The following HIPK2 variants were observed in gnomAD, a reference collection of about 807,000 sequenced individuals.
The protein encoded by HIPK2 is homeodomain interacting protein kinase 2, also known as homeodomain-interacting protein kinase 2.
Under a neutral mutation model 113.7 loss-of-function variants are expected in HIPK2, and 27 were observed. The observed-to-expected ratio is 0.24, with a 90% CI of 0.17 to 0.33. The LOEUF (loss-of-function observed/expected upper bound fraction) is 0.33. HIPK2 is among the 10% of genes least tolerant of loss of function. HIPK2 has a pLI of 1.00. For missense variants in HIPK2, 1,257 were observed against 1,588.0 expected, an observed-to-expected ratio of 0.79 and a Z score of 3.54; for synonymous variants, 631 against 642.2, an observed-to-expected ratio of 0.98 and a Z score of 0.26.
intron 1 of HIPK2, among the ~76,000 whole-genome samples, chr7:139,755,730 C>T (rs557480302): frequency 1.1e-3 from 171 of 152,352 alleles, no homozygotes; most frequent in African/African-American, 3.9e-3. Context: ...GGAATACCTC[C>T]AGTACCAGAG....
intron 2 of HIPK2, among the ~76,000 whole-genome samples, chr7:139,671,825 GGT>G (rs1450258430): frequency 6.6e-6 from 1 of 152,206 alleles, no homozygotes; most frequent in Admixed American, 6.5e-5. Flanking sequence ...TGGGATTATA[GGT>G]GTGCGCCACT....
In HIPK2 at chr7:139,572,871, C is replaced by T; in HGVS notation, c.*56G>A. ...CCCAGGAGCGCCTCCCTCCTTCTCT[C>T]CCTCCTCCCTCGGGCCATTCTCTCC... is the stretch of plus-strand genomic sequence containing the variant. On this transcript the variant is annotated 3_prime_UTR_variant, in exon 15 of 15. Coordinates refer to ENST00000406875, the MANE Select transcript of HIPK2 (RefSeq NM_022740.5). 7.1e-7 allele frequency: 1 copy of T among 1,411,456 alleles called. No homozygotes were observed. Among genetic ancestry groups the T allele is most frequent in the Admixed American group, 2.8e-5 (1 of 35,406 alleles). The allele number at this position is 1,411,456 out of a possible 1,614,324, so 87.4% of individuals were successfully genotyped here.
chr7:139,604,296 T>C (rs1799541688), intron 9 of HIPK2, 73 bp from the exon 10 acceptor site: 5 of 1,541,726 alleles, frequency 3.2e-6, no homozygotes, highest in Admixed American at 3.6e-5. Context: ...CCCACACTTA[T>C]TCTGTGCCTG....
intron 2 of HIPK2, among the ~76,000 whole-genome samples, chr7:139,633,943 G>A (rs1348743677): frequency 7.3e-6 from 1 of 136,864 alleles, no homozygotes; most frequent in Non-Finnish European, 1.5e-5. Context: ...AGAGTCCGTC[G>A]CAAAAAGAAA....
chr7:139,583,232 C>T (rs1026175635), intron 13 of HIPK2, among the ~76,000 whole-genome samples: 11 of 152,250 alleles, frequency 7.2e-5, no homozygotes, highest in Admixed American at 6.5e-4. Flanking sequence ...AGGTTACGTT[C>T]TCAGCCTTTA....
intron 2 of HIPK2, among the ~76,000 whole-genome samples, chr7:139,635,865 CAG>C (rs960536208): frequency 6.6e-6 from 1 of 152,202 alleles, no homozygotes; most frequent in African/African-American, 2.4e-5. Context: ...AAGAACAAAA[CAG>C]AACACAAAAA....
intron 13 of HIPK2, 113 bp from the exon 14 acceptor site, chr7:139,575,401 G>C: frequency 7.9e-7 from 1 of 1,272,184 alleles, no homozygotes; most frequent in Non-Finnish European, 1.1e-6. Context: ...CCTGAGGCCG[G>C]GCAGTAACAA....
chr7:139,592,303 T>C (rs1799053767), intron 12 of HIPK2, among the ~76,000 whole-genome samples: 1 of 152,208 alleles, frequency 6.6e-6, no homozygotes, highest in Non-Finnish European at 1.5e-5. Context: ...CAGGAGACAC[T>C]TGATGACCTA....
intron 1 of HIPK2, among the ~76,000 whole-genome samples, chr7:139,750,638 T>C (rs1352688915): frequency 1.3e-5 from 2 of 152,242 alleles, no homozygotes; most frequent in African/African-American, 2.4e-5. Context: ...ACCTGTTATT[T>C]TGGCCTTCCA....
chr7:139,652,165 T>C (rs1230116592), intron 2 of HIPK2, among the ~76,000 whole-genome samples: 2 of 152,226 alleles, frequency 1.3e-5, no homozygotes, highest in African/African-American at 4.8e-5. Flanking sequence ...TGAACAATTC[T>C]GTAGTCCTTT....
At chr7:139,706,133 C>T (rs1211545003) in intron 2 of HIPK2, among the ~76,000 whole-genome samples, 2 of 152,156 alleles carry the variant, frequency 1.3e-5, no homozygotes, top group Non-Finnish European at 1.5e-5. Context: ...TCATTTTCTG[C>T]GAAGGTATAA....
chr7:139,598,844 G>C (rs577930087), intron 11 of HIPK2, among the ~76,000 whole-genome samples: 3 of 152,216 alleles, frequency 2.0e-5, no homozygotes, highest in Non-Finnish European at 4.4e-5. Flanking sequence ...TGAGGATTGA[G>C]ACAGTGGACT....
rs1029453308 is a variant in HIPK2, at chr7:139,569,861, C to T, written c.*3066G>A. ...CACAAAGATACTTGGAATAAATGTG[C>T]ATTTAAAACCCTGACTAAAATATCA... On this transcript the variant is annotated 3_prime_UTR_variant, in exon 15 of 15. Transcript: ENST00000406875. 1 of 151,774 alleles carries T rather than the reference C, an allele frequency of 6.6e-6. No individual in the cohort carries two copies. Among genetic ancestry groups the T allele is most frequent in the African/African-American group, 2.4e-5 (1 of 41,258 alleles). 9.4% of individuals were successfully genotyped at this position (151,774 alleles called of 1,614,324 possible).
chr7:139,650,480 T>A (rs1415391531), intron 2 of HIPK2, among the ~76,000 whole-genome samples: 3 of 151,656 alleles, frequency 2.0e-5, no homozygotes, highest in South Asian at 2.1e-4. Flanking sequence ...TTTTTTTTTT[T>A]AAACTATTCT....
chr7:139,607,685 A>C (rs142853451), intron 9 of HIPK2, among the ~76,000 whole-genome samples: 1 of 152,296 alleles, frequency 6.6e-6, no homozygotes, highest in Non-Finnish European at 1.5e-5. Context: ...TATAATATTG[A>C]TAATTATGTA....
At chr7:139,636,527 C>T (rs1800819730) in intron 2 of HIPK2, among the ~76,000 whole-genome samples, 1 of 151,984 alleles carries the variant, frequency 6.6e-6, no homozygotes, top group Admixed American at 6.6e-5. Flanking sequence ...GCATCCATAT[C>T]AGAGGGAAAT....
In HIPK2 at chr7:139,572,703, T is replaced by G; in HGVS notation, c.*224A>C. 1 of 486,178 alleles carries G rather than the reference T, an allele frequency of 2.1e-6. No homozygotes were observed. Among genetic ancestry groups the G allele is most frequent in the Non-Finnish European group, 3.6e-6 (1 of 279,340 alleles). 30.1% of individuals were successfully genotyped at this position (486,178 alleles called of 1,614,324 possible). On this transcript the variant is annotated 3_prime_UTR_variant, in exon 15 of 15. Coordinates refer to ENST00000406875, the MANE Select transcript of HIPK2 (RefSeq NM_022740.5). ...TTTAAAAATGTTCTCTTCTCTGCTC[T>G]ACGTCCTCCCACTTCCCGGTTCAAG...
At chr7:139,649,981 A>G (rs1282052382) in intron 2 of HIPK2, among the ~76,000 whole-genome samples, 1 of 152,156 alleles carries the variant, frequency 6.6e-6, no homozygotes, top group African/African-American at 2.4e-5. Flanking sequence ...TGGTATGGGT[A>G]GGATTTTAAA....
intron 1 of HIPK2, among the ~76,000 whole-genome samples, chr7:139,770,240 G>A (rs561355916): frequency 2.7e-4 from 41 of 152,186 alleles, no homozygotes; most frequent in Non-Finnish European, 5.3e-4. Context: ...TTCCACAATC[G>A]GCAATAAGCT....
Sources: allele counts gnomAD v4.1 joint callset (sites outside exome capture counted in the v4.1 genomes callset), GRCh38; gene constraint gnomAD v4.1.1; transcripts MANE v1.5; gene names NCBI Gene and HGNC (gene_info 2026-07-23, HGNC 2026-07-21).